LRRFIP2: variants seen among roughly 807,000 people sequenced by gnomAD.
LRRFIP2 encodes the protein LRR binding FLII interacting protein 2, also known as leucine-rich repeat flightless-interacting protein 2.
In LRRFIP2, 109 loss-of-function variants were observed where a neutral mutation model predicts 125.9. The observed-to-expected ratio is 0.87, with a 90% CI of 0.74 to 1.01. The LOEUF is 1.01. LRRFIP2 is among the 50% of genes least tolerant of loss of function. The probability of loss-of-function intolerance (pLI) is 0.00; values close to 1 mark genes in which losing one functional copy is unlikely to be tolerated. For missense variants in LRRFIP2, 850 were observed against 862.3 expected (o/e 0.99, Z 0.18); for synonymous variants, 291 against 293.1 (o/e 0.99, Z 0.07).
At chr3:37,129,582 C>T (rs1323164414) in intron 2 of LRRFIP2, among the ~76,000 whole-genome samples, 2 of 152,230 alleles carry the variant, frequency 1.3e-5, no homozygotes, top group East Asian at 3.8e-4. Flanking sequence ...AAACCCATCT[C>T]AGCTTTCTTT....
chr3:37,165,853 GAAAGAGAA>G (rs1459193556), intron 1 of LRRFIP2, among the ~76,000 whole-genome samples: 11 of 141,490 alleles, frequency 7.8e-5, no homozygotes, highest in African/African-American at 1.6e-4. Flanking sequence ...AAGAAAGAAA[GAAAGAGAA>G]AGAAAGAAAG....
rs1467074907 is a variant in LRRFIP2, at chr3:37,148,912, C to T, written c.72G>A (p.Leu24=). The T allele has an allele frequency of 1.3e-5, 21 of 1,613,958 alleles. No individual in the cohort carries two copies. Among genetic ancestry groups the T allele is most frequent in the African/African-American group, 2.7e-5 (2 of 74,918 alleles). Residue 24 remains leucine, a synonymous_variant, in exon 2 of 28, where the codon TTG becomes TTA. Transcript: ENST00000336686. ...KDRFSAEDEA[L]SNIAREAEAR... is the part of the protein sequence containing the mutation. ...AACATACCTCTCTGGCAATGTTACT[C>T]AAAGCTTCATCTTCTGCAGAAAATC...
intron 6 of LRRFIP2, among the ~76,000 whole-genome samples, chr3:37,120,797 T>A (rs552080281): frequency 6.6e-6 from 1 of 151,894 alleles, no homozygotes; most frequent in Non-Finnish European, 1.5e-5. Flanking sequence ...AAAAAAATTT[T>A]AAATAAAATA....
rs757344859 is a variant in LRRFIP2, at chr3:37,072,830, T to A, written c.1424A>T (p.Asp475Val). 24 of 1,612,626 alleles carry A rather than the reference T, an allele frequency of 1.5e-5. No homozygotes were observed. The highest frequency in any genetic ancestry group is 2.0e-5 in the Non-Finnish European group (24 of 1,179,418). ...TTTCCAAAGAAGTGTCTCCTGGAGG[T>A]CAAACACCTCTTTTGTCATGGTGTC... is the stretch of plus-strand genomic sequence containing the variant. Reference protein sequence around the residue: ...KIDTMTKEVFDLQETLLWKDK... With the variant: ...KIDTMTKEVFVLQETLLWKDK... The change falls in exon 21 of 28, where the codon GAC becomes GTC. Residue 475 changes from aspartate (D) to valine (V), a missense_variant. Coordinates refer to ENST00000336686, the MANE Select transcript of LRRFIP2 (RefSeq NM_006309.4).
At position 37,149,033 on chromosome 3, in the gene LRRFIP2, T is replaced by C. The variant is rs1369631841; in HGVS notation, c.-50A>G. The C allele has an allele frequency of 7.5e-6, 12 of 1,609,778 alleles. No individual in the cohort carries two copies. The highest frequency in any genetic ancestry group is 1.0e-5 in the Non-Finnish European group (12 of 1,178,224). On this transcript the variant is annotated 5_prime_UTR_variant, in exon 2 of 28. An upstream open reading frame in the 5' UTR loses its in-frame stop. Coordinates refer to ENST00000336686, the MANE Select transcript of LRRFIP2 (RefSeq NM_006309.4). Reference sequence around the variant, plus strand: ...CTTTGAAAGTGATTTAACTGTGTTTTCAGCCCTGAAGTAAACAAAAACATA... The same window carrying C: ...CTTTGAAAGTGATTTAACTGTGTTTCCAGCCCTGAAGTAAACAAAAACATA...
chr3:37,134,711 A>G (rs1363930127), intron 2 of LRRFIP2: 16 of 768,328 alleles, frequency 2.1e-5, no homozygotes, highest in Non-Finnish European at 3.3e-5. Flanking sequence ...ATGACCCTCC[A>G]GCACAATGTT....
At chr3:37,172,908 AT>A (rs1481733406) in intron 1 of LRRFIP2, 4 of 152,184 alleles carry the variant, frequency 2.6e-5, no homozygotes, top group African/African-American at 9.7e-5. Flanking sequence ...GTTGAGTTTT[AT>A]TGGCCGGGCG....
At chr3:37,117,389 T>C (rs185054810) in intron 6 of LRRFIP2, among the ~76,000 whole-genome samples, 18 of 152,232 alleles carry the variant, frequency 1.2e-4, no homozygotes, top group Non-Finnish European at 2.2e-4. Context: ...TGAATCTATC[T>C]GGTAGGAAAA....
chr3:37,140,474 C>T (rs2095666005), intron 2 of LRRFIP2: 1 of 152,092 alleles, frequency 6.6e-6, no homozygotes, highest in Admixed American at 6.6e-5. Flanking sequence ...CACAGTGGCT[C>T]ATGCCTGTAG....
chr3:37,116,623 T>C (rs2094801254), intron 6 of LRRFIP2, among the ~76,000 whole-genome samples: 1 of 152,154 alleles, frequency 6.6e-6, no homozygotes, highest in South Asian at 2.1e-4. Context: ...ATGTATTTCT[T>C]GTTGTAGAGA....
At chr3:37,162,155 CAA>C (rs71091697) in intron 1 of LRRFIP2, among the ~76,000 whole-genome samples, 104 of 73,994 alleles carry the variant, frequency 1.4e-3, no homozygotes, top group East Asian at 4.0e-3. Flanking sequence ...GACCCTGTCT[CAA>C]AAAAAAAAAA....
intron 1 of LRRFIP2, among the ~76,000 whole-genome samples, chr3:37,173,352 A>G (rs2096612591): frequency 6.6e-6 from 1 of 152,056 alleles, no homozygotes; most frequent in African/African-American, 2.4e-5. Flanking sequence ...GCAGGGACAC[A>G]CCACCAGCTA....
intron 21 of LRRFIP2, chr3:37,067,122 G>C (rs532857818): frequency 3.3e-5 from 5 of 152,182 alleles, no homozygotes; most frequent in Non-Finnish European, 5.9e-5. Context: ...AGGGATAATA[G>C]CACCCATCCC....
At chr3:37,170,665 C>T (rs2096573542) in intron 1 of LRRFIP2, 1 of 151,480 alleles carries the variant, frequency 6.6e-6, no homozygotes, top group South Asian at 2.1e-4. Flanking sequence ...AACAATAATG[C>T]TTTTTCCCTA....
At chr3:37,074,173 C>T (rs1229614522) in intron 20 of LRRFIP2, among the ~76,000 whole-genome samples, 3 of 151,770 alleles carry the variant, frequency 2.0e-5, no homozygotes, top group Non-Finnish European at 2.9e-5. Flanking sequence ...GAGGTAGGTC[C>T]GAGGGGAAAG....
chr3:37,114,899 C>T (rs2094710321), intron 7 of LRRFIP2, among the ~76,000 whole-genome samples, 155 bp downstream of exon 7: 1 of 152,090 alleles, frequency 6.6e-6, no homozygotes, highest in Non-Finnish European at 1.5e-5. Flanking sequence ...ATTCATGCCA[C>T]AACCACAAAA....
At chr3:37,117,129 A>AG (rs898258713) in intron 6 of LRRFIP2, among the ~76,000 whole-genome samples, 1 of 151,544 alleles carries the variant, frequency 6.6e-6, no homozygotes, top group Non-Finnish European at 1.5e-5. Context: ...TTTGTTTAAA[A>AG]AAAAAAAAAA....
In LRRFIP2 at chr3:37,052,790, G is replaced by A. The variant is rs201835937; in HGVS notation, c.*1061C>T. 1.3e-5 allele frequency: 2 copies of A among 152,094 alleles called. No homozygotes were observed. The highest frequency in any genetic ancestry group is 4.8e-5 in the African/African-American group (2 of 41,420). 9.4% of individuals were successfully genotyped at this position (152,094 alleles called of 1,614,324 possible). ...TTCTATAAAACCACCTGGGTACTAA[G>A]AGCAAAAGAGAATCATAAATTCTGC... On this transcript the variant is annotated 3_prime_UTR_variant, in exon 28 of 28. Coordinates refer to ENST00000336686, the MANE Select transcript of LRRFIP2 (RefSeq NM_006309.4).
At chr3:37,056,572 G>C (rs2086935236) in intron 25 of LRRFIP2, among the ~76,000 whole-genome samples, 1 of 151,866 alleles carries the variant, frequency 6.6e-6, no homozygotes, top group African/African-American at 2.4e-5. Context: ...TCCTGCCTCA[G>C]CCTCCTGAGT....
Sources: allele counts gnomAD v4.1 joint callset (sites outside exome capture counted in the v4.1 genomes callset), GRCh38; gene constraint gnomAD v4.1.1; transcripts MANE v1.5; gene names NCBI Gene and HGNC (gene_info 2026-07-23, HGNC 2026-07-21).